Variants in MYLK3 observed in about 807,000 individuals in gnomAD.
MYLK3 encodes myosin light chain kinase 3, also known as MLC kinase.
Under a neutral mutation model 76.3 loss-of-function variants are expected in MYLK3, and 55 were observed. The ratio of observed to expected loss-of-function variants is 0.72; its 90% CI spans 0.58 to 0.90. MYLK3 has a LOEUF of 0.90. Ranked by LOEUF, MYLK3 falls within the 40% of genes least tolerant of loss-of-function variation. The pLI is 0.00. For missense variants in MYLK3, 973 were observed against 1,053.6 expected (o/e 0.92, Z 1.06); for synonymous variants, 416 against 425.4 (o/e 0.98, Z 0.27).
intron 4 of MYLK3, among the ~76,000 whole-genome samples, chr16:46,731,596 AG>A (rs199958496): frequency 0.013 from 2,037 of 152,226 alleles, 24 homozygotes; most frequent in Non-Finnish European, 0.021. Context: ...CAGACCAAGG[AG>A]GGTGTGACCC....
At chr16:46,731,484 A>C (rs535007905) in intron 4 of MYLK3, among the ~76,000 whole-genome samples, 1 of 152,334 alleles carries the variant, frequency 6.6e-6, no homozygotes, top group African/African-American at 2.4e-5. Context: ...AAGGGCTGGA[A>C]GGAAGTTGGC....
intron 1 of MYLK3, 42 bp downstream of exon 1, chr16:46,747,675 C>G (rs374059136): frequency 2.5e-6 from 4 of 1,569,920 alleles, no homozygotes; most frequent in South Asian, 1.2e-5. Context: ...CCACCAGGGC[C>G]GGGGCCTCCC....
In MYLK3 at chr16:46,720,733, A is replaced by G. The variant is rs72622230; in HGVS notation, c.1985+390T>C. ...CTCACTTTTTGTATTTAATCTGGTC[A>G]TTTCCTGGAGGGCAGGGATGGTGAC... On this transcript the variant is annotated intron_variant, in intron 9 of 12. Transcript: ENST00000394809. Among the ~76,000 whole-genome samples the G allele has an allele frequency of 2.9e-3, 437 of 152,256 alleles. 13 individuals carry two copies. In the East Asian group the frequency reaches 0.069, roughly 24 times the overall value.
At chr16:46,718,591 G>A (rs562556713) in intron 9 of MYLK3, among the ~76,000 whole-genome samples, 5 of 152,334 alleles carry the variant, frequency 3.3e-5, no homozygotes, top group East Asian at 1.9e-4. Flanking sequence ...ATCCAGGGGC[G>A]ATGCTGTGTT....
rs774675930 is a variant in MYLK3 at position 46,737,736 on chromosome 16, G to C, written c.976C>G (p.His326Asp). 1.9e-6 allele frequency: 3 copies of C among 1,606,320 alleles called. No individual in the cohort carries two copies. The highest frequency in any genetic ancestry group is 2.6e-6 in the Non-Finnish European group (3 of 1,175,868). Residue 326 changes from histidine (H) to aspartate (D), a missense_variant, in exon 3 of 13, where the codon CAC becomes GAC. Coordinates refer to ENST00000394809, the MANE Select transcript of MYLK3 (RefSeq NM_182493.3). Reference protein sequence around the residue: ...PGLPAQARATHSGGETPPRIS... With the variant: ...PGLPAQARATDSGGETPPRIS... The stretch of plus-strand genomic sequence containing the variant: ...CTTGGAGGTGTTTCTCCACCACTGT[G>C]GGTTGCCCTGGCCTGGGCTGGCAGC...
chr16:46,715,024 G>T (rs1966723026), intron 9 of MYLK3, among the ~76,000 whole-genome samples: 1 of 152,168 alleles, frequency 6.6e-6, no homozygotes, highest in Non-Finnish European at 1.5e-5. Flanking sequence ...CTGAACGAAG[G>T]TGGGAAGAGC....
intron 1 of MYLK3, among the ~76,000 whole-genome samples, chr16:46,754,593 G>T (rs1040086571): frequency 6.6e-6 from 1 of 152,166 alleles, no homozygotes; most frequent in Non-Finnish European, 1.5e-5. Context: ...CCAGCAAGAA[G>T]GTCCTCACCA....
At chr16:46,761,462 T>C (rs974590932) in intron 1 of MYLK3, among the ~76,000 whole-genome samples, 1 of 151,946 alleles carries the variant, frequency 6.6e-6, no homozygotes. Flanking sequence ...AATTCTGGGA[T>C]GCTGGAGGTA....
chr16:46,730,086 G>A, intron 5 of MYLK3: 1 of 329,296 alleles, frequency 3.0e-6, no homozygotes, highest in Non-Finnish European at 5.5e-6. Context: ...CTGCACCCCA[G>A]GGAACATCTC....
intron 2 of MYLK3, among the ~76,000 whole-genome samples, chr16:46,739,083 T>C (rs1173264256): frequency 6.6e-6 from 1 of 152,100 alleles, no homozygotes; most frequent in African/African-American, 2.4e-5. Context: ...TCAGCTGATC[T>C]GCCCACCTCA....
intron 1 of MYLK3, among the ~76,000 whole-genome samples, chr16:46,740,538 T>TAC (rs1473617896): frequency 2.2e-3 from 203 of 91,400 alleles, no homozygotes; most frequent in Non-Finnish European, 1.8e-3. Flanking sequence ...TATACATACA[T>TAC]ATATATATAT....
intron 8 of MYLK3, among the ~76,000 whole-genome samples, chr16:46,722,979 T>C (rs1327249056): frequency 1.3e-5 from 2 of 152,238 alleles, no homozygotes; most frequent in Non-Finnish European, 2.9e-5. Context: ...CCCAAAGTAC[T>C]GGGATCACAG....
At chr16:46,736,253 T>C (rs923329820) in intron 3 of MYLK3, among the ~76,000 whole-genome samples, 1 of 152,080 alleles carries the variant, frequency 6.6e-6, no homozygotes, top group East Asian at 1.9e-4. Context: ...GCTCAAGCGA[T>C]CCTCCCGCCT....
At chr16:46,748,909 G>A (rs1967078157), upstream of MYLK3, among the ~76,000 whole-genome samples, 1 of 152,194 alleles carries the variant, frequency 6.6e-6, no homozygotes, top group Non-Finnish European at 1.5e-5. This position sits in a 1 kb window ranked among gnomAD's most constrained non-coding sequence, Gnocchi z 4.3. Context: ...AAATAGAACT[G>A]AGGGCAATGG....
rs1412142399 is a variant in MYLK3, at chr16:46,732,431, C to A, written c.1239G>T (p.Lys413Asn). 6.2e-7 allele frequency: 1 copy of A among 1,613,086 alleles called. No individual in the cohort carries two copies. The highest frequency in any genetic ancestry group is 8.5e-7 in the Non-Finnish European group (1 of 1,180,022). ...CCCCAGCCCTTTGCTCCTCCTCTGC[C>A]TTCACTCCCCCGGGGCTGCTGCTCT... Reference protein sequence around the residue: ...LQESSSPGGVKAEEEQRAGAE... With the variant: ...LQESSSPGGVNAEEEQRAGAE... Residue 413 changes from lysine (K) to asparagine (N), a missense_variant, in exon 4 of 13, where the codon AAG becomes AAT. Transcript: ENST00000394809.
intron 8 of MYLK3, among the ~76,000 whole-genome samples, chr16:46,723,500 G>C (rs186263042): frequency 1.3e-5 from 2 of 152,194 alleles, no homozygotes; most frequent in African/African-American, 4.8e-5. Flanking sequence ...TTCTCTTAGG[G>C]GTATAGCTAG....
chr16:46,738,541 ACAG>A lies in MYLK3; in HGVS notation c.569-401_569-399del, dbSNP rs752511206. Among the ~76,000 whole-genome samples the A allele has an allele frequency of 1.8e-4, 28 of 152,330 alleles. No individual in the cohort carries two copies. The South Asian group carries it at 1.9e-3, about 10-fold the overall frequency. On this transcript the variant is annotated intron_variant, in intron 2 of 12. Coordinates refer to ENST00000394809, the MANE Select transcript of MYLK3 (RefSeq NM_182493.3). ...CGCCACTTGCACTCCAGCCTGGGCA[ACAG>A]AGTGAGACCCCATCTCAAAAAAACA... is the stretch of plus-strand genomic sequence containing the variant.
In MYLK3 at chr16:46,705,266, A is replaced by T. The variant is rs1308876016; in HGVS notation, c.*2438T>A. 1.3e-5 allele frequency: 2 copies of T among 152,092 alleles called. No homozygotes were observed. The highest frequency in any genetic ancestry group is 4.8e-5 in the African/African-American group (2 of 41,380). The allele number at this position is 152,092 out of a possible 1,614,324, so 9.4% of individuals were successfully genotyped here. On this transcript the variant is annotated 3_prime_UTR_variant, in exon 13 of 13. Coordinates refer to ENST00000394809, the MANE Select transcript of MYLK3 (RefSeq NM_182493.3). ...CACCTGAGGCCAAGCACAGTGGCTC[A>T]TGCCTATATTCCCAGCTCTTTGGGA...
chr16:46,740,316 A>G (rs920363216), intron 1 of MYLK3, among the ~76,000 whole-genome samples, 169 bp from the exon 2 acceptor site: 7 of 151,998 alleles, frequency 4.6e-5, no homozygotes, highest in Non-Finnish European at 1.5e-5. Context: ...CTTTAGAGAG[A>G]AGGACACTGA....
Sources: allele counts gnomAD v4.1 joint callset (sites outside exome capture counted in the v4.1 genomes callset), GRCh38; gene constraint gnomAD v4.1.1; non-coding constraint Gnocchi (gnomAD v3.1); transcripts MANE v1.5; gene names NCBI Gene and HGNC (gene_info 2026-07-23, HGNC 2026-07-21).